The following DIP2C variants were observed in gnomAD, a reference collection of about 807,000 sequenced individuals.
The protein encoded by DIP2C is DIP2 acetate--CoA ligase C (putative).
DIP2C carries 33 observed loss-of-function variants against 192.4 expected under a neutral mutation model. The observed-to-expected ratio is 0.17, with a 90% CI of 0.13 to 0.23. The LOEUF (loss-of-function observed/expected upper bound fraction) is 0.23. Among genes scored for constraint, DIP2C ranks in the 10% least tolerant of loss-of-function variants. DIP2C has a pLI of 1.00. For synonymous variants in DIP2C, 979 were observed against 864.1 expected (o/e 1.13, Z -2.33); for missense variants, 1,537 against 2,110.1 (o/e 0.73, Z 5.32).
intron 4 of DIP2C, among the ~76,000 whole-genome samples, chr10:440,186 C>T (rs139586289): frequency 6.6e-6 from 1 of 152,264 alleles, no homozygotes; most frequent in Non-Finnish European, 1.5e-5. Context: ...TAAATAAAAG[C>T]AGTATTACAT....
chr10:576,953 A>G (rs928019998), intron 1 of DIP2C, among the ~76,000 whole-genome samples: 58 of 152,248 alleles, frequency 3.8e-4, no homozygotes, highest in African/African-American at 1.0e-3. Context: ...ATGAAAACTA[A>G]TTGCCAAGGT....
chr10:277,258 C>A lies in DIP2C; in HGVS notation c.*67G>T. 1 of 1,578,702 alleles carries A rather than the reference C, an allele frequency of 6.3e-7. No individual in the cohort carries two copies. The highest frequency in any genetic ancestry group is 8.6e-7 in the Non-Finnish European group (1 of 1,165,266). ...TGGTGAGTGTTGCCCTGTGTCTGCACGCTTCAGTGGACACGGAGAACAATG... is the reference window on the plus strand; with the variant it reads ...TGGTGAGTGTTGCCCTGTGTCTGCAAGCTTCAGTGGACACGGAGAACAATG... On this transcript the variant is annotated 3_prime_UTR_variant, in exon 37 of 37. Coordinates refer to ENST00000280886, the MANE Select transcript of DIP2C (RefSeq NM_014974.3).
chr10:481,046 G>A (rs942118488), intron 2 of DIP2C, among the ~76,000 whole-genome samples: 5 of 152,190 alleles, frequency 3.3e-5, no homozygotes, highest in Admixed American at 6.5e-5. Context: ...CAGCCCAGGT[G>A]AGGAGGCGGT....
chr10:566,585 T>C (rs1849480148), intron 1 of DIP2C, among the ~76,000 whole-genome samples: 1 of 152,250 alleles, frequency 6.6e-6, no homozygotes, highest in African/African-American at 2.4e-5. Flanking sequence ...CACCTTTTCC[T>C]GCCCTCTCCA....
At position 648,464 on chromosome 10, in the gene DIP2C, G is replaced by A. The variant is rs147891298; in HGVS notation, c.85+41030C>T. Among the ~76,000 whole-genome samples the A allele has an allele frequency of 2.5e-3, 384 of 151,080 alleles. 3 individuals carry two copies. In the East Asian group the frequency reaches 0.04, roughly 16 times the overall value. ...GAGAACAGAGGCAAACTGAGTCCAC[G>A]TCCACATTTGATGGTGGGAGAGAAC... On this transcript the variant is annotated intron_variant, in intron 1 of 36. Transcript: ENST00000280886.
chr10:330,388 TAAC>T (rs1404759130), intron 29 of DIP2C, among the ~76,000 whole-genome samples: 1 of 152,194 alleles, frequency 6.6e-6, no homozygotes, highest in African/African-American at 2.4e-5. Context: ...AGTGTGGATT[TAAC>T]AACTTGTCAA....
Position 399,154 on chromosome 10 carries a change from C to G in DIP2C, c.1215G>C (p.Leu405=). The G allele has an allele frequency of 6.2e-7, 1 of 1,614,008 alleles. No individual in the cohort carries two copies. Among genetic ancestry groups the G allele is most frequent in the Non-Finnish European group, 8.5e-7 (1 of 1,180,036 alleles). ...AFMAAFYGCL[L]AEVVPVPIEV... ...CGATGGGCACGGGGACCACCTCGGC[C>G]AGCAGGCAGCCGTAGAAAGCCGCCA... The change falls in exon 10 of 37, where the codon CTG becomes CTC. Residue 405 remains leucine, a synonymous_variant. Transcript: ENST00000280886.
At position 413,247 on chromosome 10, in the gene DIP2C, G is replaced by A. The variant is rs190967996; in HGVS notation, c.1057+666C>T. On this transcript the variant is annotated intron_variant, in intron 8 of 36. Transcript: ENST00000280886. ...AAGAGAAACGCACTTCTCTGCTACC[G>A]TTAACCATGTGCAAAAAGCTTACAG... is the stretch of plus-strand genomic sequence containing the variant. 2.0e-3 allele frequency among the ~76,000 whole-genome samples: 312 copies of A among 152,296 alleles called. 1 individual carries two copies. The highest frequency in any genetic ancestry group is 0.014 in the Middle Eastern group (4 of 294).
intron 6 of DIP2C, among the ~76,000 whole-genome samples, chr10:416,750 C>CAAG (rs1965663762): frequency 6.6e-6 from 1 of 152,044 alleles, no homozygotes; most frequent in African/African-American, 2.4e-5. Flanking sequence ...ACGCTGATGC[C>CAAG]ACAACTAGAT....
At chr10:385,727 G>C (rs1004187817) in intron 14 of DIP2C, among the ~76,000 whole-genome samples, 3 of 152,206 alleles carry the variant, frequency 2.0e-5, no homozygotes, top group Non-Finnish European at 4.4e-5. Flanking sequence ...CACCGCAGCA[G>C]TCAGACCAGG....
Position 472,496 on chromosome 10 carries a change from C to A in DIP2C, c.211G>T (p.Ala71Ser). 6.2e-7 allele frequency: 1 copy of A among 1,614,104 alleles called. No homozygotes were observed. The highest frequency in any genetic ancestry group is 8.5e-7 in the Non-Finnish European group (1 of 1,180,016). Residue 71 changes from alanine (A) to serine (S), a missense_variant, in exon 3 of 37, where the codon GCC becomes TCC. Physicochemically the swap from Ala to Ser is moderately conservative, Grantham distance 99. Coordinates refer to ENST00000280886, the MANE Select transcript of DIP2C (RefSeq NM_014974.3). ...ERRAPVTPSS[A>S]SRYHRRRSSG... is the part of the protein sequence containing the mutation. ...GACCGTCGGCGGTGGTAGCGAGAGG[C>A]GGAGGAAGGAGTGACAGGAGCCCGG... is the stretch of plus-strand genomic sequence containing the variant.
At chr10:318,805 G>A (rs530948849) in intron 31 of DIP2C, among the ~76,000 whole-genome samples, 79 of 152,140 alleles carry the variant, frequency 5.2e-4, no homozygotes, top group Non-Finnish European at 9.3e-4. Context: ...AAGCAGTGTA[G>A]GGGGACAAGG....
At chr10:611,666 T>C (rs1413028749) in intron 1 of DIP2C, among the ~76,000 whole-genome samples, 2 of 152,202 alleles carry the variant, frequency 1.3e-5, no homozygotes, top group Non-Finnish European at 2.9e-5. Flanking sequence ...CTTCCTTTTT[T>C]TCCATCTTCC....
At chr10:507,004 A>G (rs961273270) in intron 1 of DIP2C, among the ~76,000 whole-genome samples, 3 of 151,312 alleles carry the variant, frequency 2.0e-5, no homozygotes, top group African/African-American at 4.9e-5. Context: ...CTGGTCACCC[A>G]CTGTGCACGA....
At chr10:498,414 C>T (rs532711867) in intron 1 of DIP2C, among the ~76,000 whole-genome samples, 2 of 152,284 alleles carry the variant, frequency 1.3e-5, no homozygotes, top group South Asian at 4.1e-4. Flanking sequence ...ATTCCACTCA[C>T]AATCAGCAGT....
intron 1 of DIP2C, among the ~76,000 whole-genome samples, chr10:635,805 C>G (rs180950179): frequency 6.6e-6 from 1 of 152,318 alleles, no homozygotes; most frequent in East Asian, 1.9e-4. Context: ...AACTGCAGCT[C>G]AGTGAAGGGT....
chr10:543,874 G>A (rs545967143), intron 1 of DIP2C, among the ~76,000 whole-genome samples: 96 of 150,740 alleles, frequency 6.4e-4, no homozygotes, highest in African/African-American at 2.3e-3. Context: ...TTCACCACCC[G>A]CAAAAGAAAC....
rs749682238 is a variant in DIP2C, at chr10:689,484, G to T, written c.85+10C>A. 1 of 1,215,532 alleles carries T rather than the reference G, an allele frequency of 8.2e-7. No individual in the cohort carries two copies. Among genetic ancestry groups the T allele is most frequent in the Non-Finnish European group, 1.0e-6 (1 of 960,808 alleles). The allele number at this position is 1,215,532 out of a possible 1,614,324, so 75.3% of individuals were successfully genotyped here. A position where few individuals can be genotyped will look rare whatever the true frequency, so the allele number is the denominator to read the frequency against. ...CAGCGCGGCCCGGCCCGGGGCGGGG[G>T]CCCGGTTACCTTCCGACAGCTCCAG... On this transcript the variant is annotated intron_variant, in intron 1 of 36. Transcript: ENST00000280886. The surrounding 1 kb of genome is among the most constrained non-coding windows in gnomAD (Gnocchi z 6.1).
chr10:319,031 G>A (rs145817504), intron 31 of DIP2C, among the ~76,000 whole-genome samples: 4 of 151,992 alleles, frequency 2.6e-5, no homozygotes, highest in African/African-American at 9.7e-5. Flanking sequence ...CCCTGCCTCA[G>A]CCTCCCGAGT....
Sources: allele counts gnomAD v4.1 joint callset (sites outside exome capture counted in the v4.1 genomes callset), GRCh38; gene constraint gnomAD v4.1.1; non-coding constraint Gnocchi (gnomAD v3.1); transcripts MANE v1.5; gene names NCBI Gene and HGNC (gene_info 2026-07-23, HGNC 2026-07-21).